Variants in PDE11A observed in about 807,000 individuals in gnomAD.
PDE11A encodes the protein phosphodiesterase 11A, also known as dual 3',5'-cyclic-AMP and -GMP phosphodiesterase 11A.
PDE11A carries 100 observed loss-of-function variants against 100.5 expected under a neutral mutation model. That is an observed-to-expected ratio of 1.00 (90% CI 0.85 to 1.18). The LOEUF (loss-of-function observed/expected upper bound fraction) is 1.18, where lower values mean the gene tolerates loss of function less well. Ranked by LOEUF, PDE11A falls within the 50% of genes most tolerant of loss-of-function variation. The pLI, the probability that PDE11A is intolerant of heterozygous loss-of-function variation, is 0.00. For missense variants in PDE11A, 1,141 were observed against 1,152.6 expected (o/e 0.99, Z 0.15); for synonymous variants, 381 against 420.8 (o/e 0.91, Z 1.16).
At chr2:177,631,597 A>ATG (rs1447121938) in intron 19 of PDE11A, among the ~76,000 whole-genome samples, 1 of 42,882 alleles carries the variant, frequency 2.3e-5, no homozygotes, top group Non-Finnish European at 5.6e-5. Context: ...ACACACATAT[A>ATG]TATGTGTGTA....
chr2:177,930,806 C>G (rs112985482), intron 2 of PDE11A, among the ~76,000 whole-genome samples: 21 of 152,322 alleles, frequency 1.4e-4, no homozygotes, highest in African/African-American at 4.8e-4. Context: ...TCCTGATTAA[C>G]ACACCCTGAA....
chr2:177,730,667 AT>A (rs1458651979), intron 10 of PDE11A, among the ~76,000 whole-genome samples: 1 of 151,598 alleles, frequency 6.6e-6, no homozygotes, highest in African/African-American at 2.4e-5. Flanking sequence ...CTTTTTATGT[AT>A]TTTTAATAGT....
intron 1 of PDE11A, among the ~76,000 whole-genome samples, chr2:178,061,119 A>G (rs750101897): frequency 2.4e-4 from 36 of 151,592 alleles, no homozygotes; most frequent in Non-Finnish European, 4.0e-4. Flanking sequence ...AATTTTTTGT[A>G]TTTTTAGTAG....
upstream of PDE11A, among the ~76,000 whole-genome samples, chr2:178,075,176 G>A (rs374073403): frequency 2.6e-5 from 4 of 152,234 alleles, no homozygotes; most frequent in East Asian, 5.8e-4. Flanking sequence ...GAGGGGAAGA[G>A]GAGGAAAAAG....
intron 1 of PDE11A, among the ~76,000 whole-genome samples, chr2:178,054,883 T>C (rs1386437052): frequency 1.3e-5 from 2 of 152,056 alleles, no homozygotes; most frequent in African/African-American, 4.8e-5. Flanking sequence ...AATAGGAACA[T>C]TTTTACACTG....
chr2:178,022,577 A>T (rs1310700269), intron 1 of PDE11A, among the ~76,000 whole-genome samples: 1 of 152,152 alleles, frequency 6.6e-6, no homozygotes, highest in African/African-American at 2.4e-5. Context: ...TAAGCCCAGG[A>T]TCTTCAGAAG....
At chr2:177,857,192 A>T (rs1172914899) in intron 5 of PDE11A, among the ~76,000 whole-genome samples, 2 of 151,972 alleles carry the variant, frequency 1.3e-5, no homozygotes, top group Non-Finnish European at 2.9e-5. Context: ...AGAATTCTAT[A>T]TCCACTGAAA....
At chr2:178,032,806 G>A (rs1406666446) in intron 1 of PDE11A, among the ~76,000 whole-genome samples, 1 of 152,178 alleles carries the variant, frequency 6.6e-6, no homozygotes, top group Non-Finnish European at 1.5e-5. Context: ...GCAGAAGAGG[G>A]ACCTGATTGT....
At chr2:178,099,927 T>C (rs2087541667) in intron 2 of PDE11A, among the ~76,000 whole-genome samples, 1 of 152,202 alleles carries the variant, frequency 6.6e-6, no homozygotes. Flanking sequence ...TTATTCAGTC[T>C]TTAAAAAGAT....
In PDE11A at chr2:177,875,887, G is replaced by T; in HGVS notation, c.1339C>A (p.Pro447Thr). The T allele has an allele frequency of 6.2e-7, 1 of 1,612,308 alleles. No individual in the cohort carries two copies. The highest frequency in any genetic ancestry group is 8.5e-7 in the Non-Finnish European group (1 of 1,178,476). Reference protein sequence around the residue: ...KFTKSFELMSPKCSADAENSF... With the variant: ...KFTKSFELMSTKCSADAENSF... ...TTCTCAGCATCAGCACTGCACTTTG[G>T]GGACATCAATTCAAAGGATTTGGTA... Residue 447 changes from proline to threonine, a missense_variant, in exon 5 of 20, where the codon CCA (proline) becomes ACA (threonine). Pro to Thr is a conservative substitution (Grantham distance 38, BLOSUM62 -1). Coordinates refer to ENST00000286063, the MANE Select transcript of PDE11A (RefSeq NM_016953.4).
At chr2:177,784,584 C>T (rs1240884943) in intron 9 of PDE11A, among the ~76,000 whole-genome samples, 2 of 152,174 alleles carry the variant, frequency 1.3e-5, no homozygotes, top group African/African-American at 4.8e-5. Flanking sequence ...CCCTTTTATT[C>T]CTTTAGTTAA....
At chr2:177,700,406 A>ACC (rs1373904212) in intron 14 of PDE11A, among the ~76,000 whole-genome samples, 8 of 147,896 alleles carry the variant, frequency 5.4e-5, no homozygotes, top group South Asian at 4.2e-4. Context: ...TGGCCTCAAA[A>ACC]AAAAAAAAAA....
rs142558261 is a variant in PDE11A at position 178,072,415 on chromosome 2, A to G, written c.23T>C (p.Phe8Ser). 19 of 1,613,276 alleles carry G rather than the reference A, an allele frequency of 1.2e-5. No homozygotes were observed. Among genetic ancestry groups the G allele is most frequent in the Admixed American group, 3.3e-5 (2 of 60,010 alleles). Reference sequence around the variant, plus strand: ...GTCCAGGAAAGTTTCCACCTCCCCAAAGTCCAGGCGGGAGGCTGCCATGGT... The same window carrying G: ...GTCCAGGAAAGTTTCCACCTCCCCAGAGTCCAGGCGGGAGGCTGCCATGGT... MAASRLD[F>S]GEVETFLDRH... Residue 8 changes from phenylalanine (F) to serine (S), a missense_variant, in exon 1 of 20, where the codon TTT becomes TCT. Coordinates refer to ENST00000286063, the MANE Select transcript of PDE11A (RefSeq NM_016953.4).
intron 5 of PDE11A, among the ~76,000 whole-genome samples, chr2:177,874,116 T>C (rs1403703082): frequency 6.6e-6 from 1 of 152,130 alleles, no homozygotes; most frequent in Admixed American, 6.6e-5. Flanking sequence ...AGATTTTAAA[T>C]GACGTGTGGT....
intron 8 of PDE11A, among the ~76,000 whole-genome samples, chr2:177,817,318 A>G (rs1346349855): frequency 2.6e-5 from 4 of 152,232 alleles, no homozygotes; most frequent in Non-Finnish European, 5.9e-5. Context: ...TAATGTAACC[A>G]TAAGGTAAAT....
At chr2:178,083,874 G>A (rs2087316799) in intron 2 of PDE11A, among the ~76,000 whole-genome samples, 1 of 152,142 alleles carries the variant, frequency 6.6e-6, no homozygotes, top group Non-Finnish European at 1.5e-5. Flanking sequence ...TTATGAAAAG[G>A]ATAATATATG....
chr2:178,040,061 C>CTTTTTTTTT (rs5836641), intron 1 of PDE11A, among the ~76,000 whole-genome samples: 2 of 109,730 alleles, frequency 1.8e-5, no homozygotes, highest in African/African-American at 3.4e-5. Flanking sequence ...AATGTAGTGG[C>CTTTTTTTTT]TTTTTTTTTT....
chr2:177,727,788 C>A (rs1418063000), intron 11 of PDE11A, 23 bp from the exon 12 acceptor site: 1 of 1,398,918 alleles, frequency 7.1e-7, no homozygotes, highest in East Asian at 2.3e-5. Flanking sequence ...GGAGAGGGTG[C>A]GTCAGGCAGT....
chr2:177,850,453 A>G (rs1259705202), intron 5 of PDE11A, among the ~76,000 whole-genome samples: 1 of 152,196 alleles, frequency 6.6e-6, no homozygotes, highest in Non-Finnish European at 1.5e-5. Context: ...CCCAGGCAAT[A>G]CCATTCAGGA....
Sources: allele counts gnomAD v4.1 joint callset (sites outside exome capture counted in the v4.1 genomes callset), GRCh38; gene constraint gnomAD v4.1.1; transcripts MANE v1.5; gene names NCBI Gene and HGNC (gene_info 2026-07-23, HGNC 2026-07-21).